HOOK2: variants seen among roughly 807,000 people sequenced by gnomAD.
The protein encoded by HOOK2 is protein Hook homolog 2.
In HOOK2, 108 loss-of-function variants were observed where a neutral mutation model predicts 111.9. The ratio of observed to expected loss-of-function variants is 0.96; its 90% CI spans 0.83 to 1.13. HOOK2 has a LOEUF of 1.13. Ranked by LOEUF, HOOK2 falls within the 50% of genes most tolerant of loss-of-function variation. The pLI is 0.00. For missense variants in HOOK2, 978 were observed against 951.3 expected (o/e 1.03, Z -0.37); for synonymous variants, 405 against 394.3 (o/e 1.03, Z -0.32).
chr19:12,785,433 CAAACAG>C (rs933086675), intron 3 of HOOK2, among the ~76,000 whole-genome samples: 12 of 151,376 alleles, frequency 7.9e-5, no homozygotes, highest in African/African-American at 2.9e-4. Flanking sequence ...TACACACACA[CAAACAG>C]ATCATATACA....
intron 3 of HOOK2, among the ~76,000 whole-genome samples, chr19:12,787,610 C>T (rs1311522502): frequency 2.6e-5 from 4 of 151,800 alleles, no homozygotes; most frequent in African/African-American, 4.8e-5. Flanking sequence ...CCACCCTGGG[C>T]GACAGAGTGA....
chr19:12,781,425 C>G (rs1046253255), upstream of HOOK2, among the ~76,000 whole-genome samples: 1 of 151,082 alleles, frequency 6.6e-6, no homozygotes, highest in South Asian at 2.1e-4. Context: ...CTCCCGGGTT[C>G]ACGCCATTCT....
Position 12,786,731 on chromosome 19 carries a change from C to T in HOOK2, n.42-12506G>A, listed in dbSNP as rs1227195689. Among the ~76,000 whole-genome samples, 2 of 152,194 alleles carry T rather than the reference C, an allele frequency of 1.3e-5. No homozygotes were observed. The highest frequency in any genetic ancestry group is 1.5e-5 in the Non-Finnish European group (1 of 68,018). ...GGCTGTACCAGCTTGGCTGGGCCCC[C>T]GCCCTCCCTGTCTGGCCCAATCTCC... On this transcript the variant is annotated intron_variant and non_coding_transcript_variant, in intron 3 of 3. Coordinates refer to the HOOK2 transcript ENST00000589765. The surrounding 1 kb of genome is among the most constrained non-coding windows in gnomAD (Gnocchi z 4.3).
intron 7 of HOOK2, chr19:12,771,722 A>G: frequency 2.0e-6 from 1 of 508,978 alleles, no homozygotes; most frequent in Non-Finnish European, 3.6e-6. Context: ...TCTCTACTAA[A>G]AACACAAAAA....
rs1201613852 is a variant in HOOK2 at position 12,765,338 on chromosome 19, C to T, written c.1641-257G>A. ...GTCCACTTCTTCCCATCCCACAGCT[C>T]CCAAGCTGGTTCAGCCACCATCTTC... is the stretch of plus-strand genomic sequence containing the variant. On this transcript the variant is annotated intron_variant, in intron 18 of 22. Coordinates refer to ENST00000397668, the MANE Select transcript of HOOK2 (RefSeq NM_013312.3). 10 of 594,816 alleles carry T rather than the reference C, an allele frequency of 1.7e-5. No individual in the cohort carries two copies. In the Admixed American group the frequency reaches 3.0e-4, roughly 18 times the overall value. 36.8% of individuals were successfully genotyped at this position (594,816 alleles called of 1,614,324 possible).
At chr19:12,768,229 G>T (rs1251205038) in intron 11 of HOOK2, 106 bp from the exon 12 acceptor site, 7 of 907,338 alleles carry the variant, frequency 7.7e-6, no homozygotes, top group South Asian at 3.2e-5. Context: ...TTATTTTTTT[G>T]ACTTTACTAT....
In HOOK2 at chr19:12,769,906, G is replaced by A. The variant is rs1204559338; in HGVS notation, c.1079C>T (p.Ala360Val). ...DELRRAGSLR[A>V]QLEAQRRQVQ... ...CTGCCGCCGCTGCGCCTCCAGCTGG[G>A]CGCGCAGGGAGCCCGCTCGGCGTAG... Residue 360 changes from alanine to valine, a missense_variant, in exon 11 of 23, where the codon GCC becomes GTC. Ala to Val is a moderately conservative substitution (Grantham distance 64). Around this residue, in one of 5 missense-constraint regions of HOOK2, gnomAD observed 388 missense variants for 358.3 expected, o/e 1.08. Transcript: ENST00000397668. 6.6e-7 allele frequency: 1 copy of A among 1,512,924 alleles called. No homozygotes were observed. Among genetic ancestry groups the A allele is most frequent in the Non-Finnish European group, 8.8e-7 (1 of 1,139,284 alleles). 93.7% of individuals were successfully genotyped at this position (1,512,924 alleles called of 1,614,324 possible).
chr19:12,792,163 A>T (rs1968727386), intron 3 of HOOK2: 7 of 1,593,360 alleles, frequency 4.4e-6, no homozygotes, highest in Non-Finnish European at 6.0e-6. Context: ...GTCACCGAGG[A>T]GCAGGAGGGC....
chr19:12,772,532 G>A (rs1410180897), intron 6 of HOOK2, 81 bp downstream of exon 6: 4 of 1,463,348 alleles, frequency 2.7e-6, no homozygotes, highest in Admixed American at 1.7e-5. Flanking sequence ...ACCAGGGCAG[G>A]ACCTGTGCCC....
chr19:12,774,560 C>A (rs778987676), intron 3 of HOOK2, 109 bp downstream of exon 3: 2 of 1,026,872 alleles, frequency 1.9e-6, no homozygotes, highest in South Asian at 1.3e-5. Flanking sequence ...TGGTTGATCA[C>A]CAGACATCTG....
intron 3 of HOOK2, among the ~76,000 whole-genome samples, chr19:12,784,124 G>C (rs762067584): frequency 6.6e-5 from 10 of 152,290 alleles, no homozygotes; most frequent in Non-Finnish European, 8.8e-5. Context: ...CCTGTGGACT[G>C]CTGGCTGGAC....
At chr19:12,767,342 G>A in intron 14 of HOOK2, 53 bp downstream of exon 14, 1 of 1,472,612 alleles carries the variant, frequency 6.8e-7, no homozygotes, top group Non-Finnish European at 9.5e-7. Context: ...GGGGCTGAGG[G>A]CGGGCCTTGG....
rs1270137169 is a variant in HOOK2, at chr19:12,791,755, C to T, written n.42-17530G>A. 6.3e-7 allele frequency: 1 copy of T among 1,582,590 alleles called. No homozygotes were observed. The highest frequency in any genetic ancestry group is 1.1e-5 in the South Asian group (1 of 88,184). On this transcript the variant is annotated intron_variant and non_coding_transcript_variant, in intron 3 of 3. Coordinates refer to the HOOK2 transcript ENST00000589765. The surrounding 1 kb of genome is among the most constrained non-coding windows in gnomAD (Gnocchi z 7.0). ...CGGCCCCGCAGGGACCCTCCCCAGA[C>T]CGCCTGGGCCGCCCGGATGTGCACT... is the stretch of plus-strand genomic sequence containing the variant.
upstream of HOOK2, among the ~76,000 whole-genome samples, chr19:12,777,670 C>T (rs1968554303): frequency 1.3e-5 from 2 of 152,208 alleles, no homozygotes; most frequent in Admixed American, 6.5e-5. Flanking sequence ...TCCCCAGATG[C>T]GCGCCCGGCA....
At chr19:12,768,691 C>A (rs1187892629) in intron 11 of HOOK2, among the ~76,000 whole-genome samples, 1 of 152,036 alleles carries the variant, frequency 6.6e-6, no homozygotes, top group Non-Finnish European at 1.5e-5. Flanking sequence ...CCAGGGTGTT[C>A]TCGAACTGCT....
intron 3 of HOOK2, among the ~76,000 whole-genome samples, chr19:12,785,895 G>A (rs1308325028): frequency 2.0e-5 from 3 of 152,128 alleles, no homozygotes; most frequent in Non-Finnish European, 4.4e-5. Flanking sequence ...AGGAGGCCTA[G>A]CTCAGCAGCC....
chr19:12,775,287 A>C, intron 1 of HOOK2, 118 bp downstream of exon 1: 1 of 1,488,308 alleles, frequency 6.7e-7, no homozygotes, highest in Non-Finnish European at 8.9e-7. Flanking sequence ...ACGGTCCAGC[A>C]AGTCGACGAC....
rs1245929319 is a variant in HOOK2, at chr19:12,790,364, G to T, written n.42-16139C>A. On this transcript the variant is annotated intron_variant and non_coding_transcript_variant, in intron 3 of 3. Coordinates refer to the HOOK2 transcript ENST00000589765. This position sits in a 1 kb window ranked among gnomAD's most constrained non-coding sequence, Gnocchi z 7.2. Reference sequence around the variant, plus strand: ...TGCCTCTGCGCTCTTTCCCCAGCCTGTTTCTAAGGAAGGGAGTGGGGTTGG... The same window carrying T: ...TGCCTCTGCGCTCTTTCCCCAGCCTTTTTCTAAGGAAGGGAGTGGGGTTGG... Among the ~76,000 whole-genome samples the T allele has an allele frequency of 6.6e-6, 1 of 152,142 alleles. No individual in the cohort carries two copies. The highest frequency in any genetic ancestry group is 1.5e-5 in the Non-Finnish European group (1 of 68,002).
chr19:12,774,730 C>T lies in HOOK2; in HGVS notation c.143G>A (p.Trp48Ter), dbSNP rs762162598. 1.9e-6 allele frequency: 3 copies of T among 1,614,100 alleles called. No homozygotes were observed. Among genetic ancestry groups the T allele is most frequent in the Non-Finnish European group, 2.5e-6 (3 of 1,179,976 alleles). Residue 48 changes from tryptophan (W) to a stop codon, truncating the protein, a stop_gained, in exon 3 of 23, where the codon TGG becomes TAG. Coordinates refer to ENST00000397668, the MANE Select transcript of HOOK2 (RefSeq NM_013312.3). LOFTEE classifies it high-confidence loss of function. ...GCCCTGGAGCCATGCCTCGTTGAACCAGGAGGGGTCTCTGGGGGCGAGAAG... is the reference window on the plus strand; with the variant it reads ...GCCCTGGAGCCATGCCTCGTTGAACTAGGAGGGGTCTCTGGGGGCGAGAAG... ...AYVLNQIDPS[W>*]FNEAWLQGIS...
Sources: allele counts gnomAD v4.1 joint callset (sites outside exome capture counted in the v4.1 genomes callset), GRCh38; gene constraint gnomAD v4.1.1; regional missense constraint gnomAD v4.1.1; non-coding constraint Gnocchi (gnomAD v3.1); transcripts MANE v1.5; gene names NCBI Gene and HGNC (gene_info 2026-07-23, HGNC 2026-07-21).